Variants in ZNF385D observed in about 807,000 individuals in gnomAD.
ZNF385D encodes the protein zinc finger protein 659.
ZNF385D carries 15 observed loss-of-function variants against 35.8 expected under a neutral mutation model. The observed-to-expected ratio is 0.42, with a 90% CI of 0.28 to 0.64. The LOEUF (loss-of-function observed/expected upper bound fraction) is 0.64, where lower values mean the gene tolerates loss of function less well. Among genes scored for constraint, ZNF385D ranks in the 30% least tolerant of loss-of-function variants. ZNF385D has a pLI of 0.23. For missense variants in ZNF385D, 474 were observed against 494.6 expected, an observed-to-expected ratio of 0.96 and a Z score of 0.39; for synonymous variants, 212 against 186.8, an observed-to-expected ratio of 1.13 and a Z score of -1.10.
chr3:22,272,148 T>C (rs201995392), intron 2 of ZNF385D, among the ~76,000 whole-genome samples: 1 of 152,070 alleles, frequency 6.6e-6, no homozygotes, highest in East Asian at 1.9e-4. Flanking sequence ...CTCAAGATAA[T>C]TTCCCAAAAT....
At chr3:21,699,892 T>C (rs1223268733) in intron 1 of ZNF385D, among the ~76,000 whole-genome samples, 3 of 144,404 alleles carry the variant, frequency 2.1e-5, no homozygotes, top group Admixed American at 7.2e-5. Context: ...AGTGCAGTGG[T>C]GCGATCTTGG....
At chr3:22,302,134 TCA>T (rs1282316602) in intron 2 of ZNF385D, among the ~76,000 whole-genome samples, 1 of 152,004 alleles carries the variant, frequency 6.6e-6, no homozygotes, top group Admixed American at 6.6e-5. Flanking sequence ...ACAGCTGGAT[TCA>T]CACTTCCAGA....
chr3:22,234,699 T>G (rs777965306), intron 2 of ZNF385D, among the ~76,000 whole-genome samples: 2 of 152,086 alleles, frequency 1.3e-5, no homozygotes, highest in Non-Finnish European at 2.9e-5. Flanking sequence ...TATTTGCTAA[T>G]TATATATCTC....
chr3:21,859,857 C>A (rs972129548), intron 3 of ZNF385D, among the ~76,000 whole-genome samples: 2 of 150,708 alleles, frequency 1.3e-5, no homozygotes, highest in African/African-American at 4.8e-5. Flanking sequence ...ATTGTGTATT[C>A]AAAGGCTCAG....
At chr3:22,286,368 T>C (rs1450658340) in intron 2 of ZNF385D, among the ~76,000 whole-genome samples, 1 of 152,138 alleles carries the variant, frequency 6.6e-6, no homozygotes, top group Non-Finnish European at 1.5e-5. Context: ...TCAATTAATA[T>C]TTTATATTGT....
chr3:21,698,682 T>C (rs1484496172), intron 1 of ZNF385D, among the ~76,000 whole-genome samples: 1 of 151,562 alleles, frequency 6.6e-6, no homozygotes, highest in African/African-American at 2.4e-5. Flanking sequence ...GGGCAAAGGA[T>C]ATGAACTGAC....
At chr3:21,443,128 T>TTTG (rs1701953078) in intron 4 of ZNF385D, 1 of 984,062 alleles carries the variant, frequency 1.0e-6, no homozygotes, top group Non-Finnish European at 1.2e-6. Context: ...AGCCACCAAA[T>TTTG]GAGGCTGTGG....
chr3:21,480,842 G>A (rs760988322), intron 4 of ZNF385D, among the ~76,000 whole-genome samples: 3 of 151,966 alleles, frequency 2.0e-5, no homozygotes, highest in South Asian at 2.1e-4. Flanking sequence ...ATATGTATTC[G>A]GATATGGTGT....
chr3:22,291,473 T>C (rs1411067642), intron 2 of ZNF385D, among the ~76,000 whole-genome samples: 1 of 152,076 alleles, frequency 6.6e-6, no homozygotes, highest in Non-Finnish European at 1.5e-5. Context: ...TTTTATATCC[T>C]ACCATATACA....
At chr3:22,302,815 T>C (rs552671773) in intron 2 of ZNF385D, among the ~76,000 whole-genome samples, 16 of 152,116 alleles carry the variant, frequency 1.1e-4, no homozygotes, top group Non-Finnish European at 2.1e-4. Flanking sequence ...AATTTATTCT[T>C]AGTTACGTAA....
intron 3 of ZNF385D, among the ~76,000 whole-genome samples, chr3:22,155,773 A>C (rs535901805): frequency 2.6e-5 from 4 of 152,270 alleles, no homozygotes; most frequent in African/African-American, 7.2e-5. Context: ...TATTGTCTTC[A>C]TTAAAAAACA....
At chr3:22,115,853 G>C (rs1405160579) in intron 3 of ZNF385D, among the ~76,000 whole-genome samples, 5 of 152,030 alleles carry the variant, frequency 3.3e-5, no homozygotes, top group African/African-American at 1.2e-4. Flanking sequence ...ACAGGTTTTT[G>C]TTTCCTTAAA....
intron 3 of ZNF385D, chr3:21,542,810 G>A (rs2062222944): frequency 6.6e-6 from 1 of 152,208 alleles, no homozygotes; most frequent in Admixed American, 6.5e-5. Flanking sequence ...CCTTGCGGAG[G>A]AAACTTGTTT....
intron 4 of ZNF385D, among the ~76,000 whole-genome samples, chr3:21,472,616 C>T (rs904866035): frequency 7.2e-5 from 11 of 152,112 alleles, no homozygotes; most frequent in Admixed American, 1.3e-4. Flanking sequence ...ACTTAATATG[C>T]GAACAAACTG....
At chr3:22,273,530 A>G (rs1481932377) in intron 2 of ZNF385D, among the ~76,000 whole-genome samples, 3 of 151,972 alleles carry the variant, frequency 2.0e-5, no homozygotes, top group African/African-American at 4.8e-5. Flanking sequence ...CCCTCATAAC[A>G]AAAAATTAGT....
chr3:22,352,766 C>T, intron 2 of ZNF385D, among the ~76,000 whole-genome samples: 1 of 152,178 alleles, frequency 6.6e-6, no homozygotes, highest in East Asian at 1.9e-4. Flanking sequence ...ACATAGTTCT[C>T]CACAAACAAC....
chr3:22,111,584 T>C (rs983576056), intron 3 of ZNF385D, among the ~76,000 whole-genome samples: 2 of 152,120 alleles, frequency 1.3e-5, no homozygotes, highest in Non-Finnish European at 2.9e-5. Flanking sequence ...CATCTTGGCA[T>C]TTTGTTCAAC....
chr3:21,616,822 C>T (rs1279703149), intron 2 of ZNF385D, among the ~76,000 whole-genome samples: 1 of 152,162 alleles, frequency 6.6e-6, no homozygotes, highest in Admixed American at 6.5e-5. Context: ...ATTACTAACA[C>T]AGGTCACTTT....
At chr3:22,282,823 A>G (rs1457724084) in intron 2 of ZNF385D, among the ~76,000 whole-genome samples, 1 of 152,122 alleles carries the variant, frequency 6.6e-6, no homozygotes, top group African/African-American at 2.4e-5. Context: ...TGAATAGAAT[A>G]GTACCTCATA....
Sources: gnomAD v4.1 joint callset for allele counts (sites outside exome capture counted in the v4.1 genomes callset) on GRCh38, gnomAD v4.1.1 for gene constraint, MANE v1.5 for transcripts, NCBI Gene and HGNC (gene_info 2026-07-23, HGNC 2026-07-21) for gene names.